ZNF304: variants seen among roughly 807,000 people sequenced by gnomAD.
The protein encoded by ZNF304 is zinc finger protein 304, also known as KRAB-containing zinc finger protein.
Under a neutral mutation model 7.8 loss-of-function variants are expected in ZNF304, and 7 were observed. The ratio of observed to expected loss-of-function variants is 0.90; its 90% CI spans 0.51 to 1.69. The LOEUF (loss-of-function observed/expected upper bound fraction) is 1.69. ZNF304 is among the 40% of genes most tolerant of loss of function. The pLI is 0.00. For missense variants in ZNF304, 669 were observed against 804.8 expected (o/e 0.83, Z 2.04); for synonymous variants, 280 against 272.4 (o/e 1.03, Z -0.27).
chr19:57,352,253 G>C lies in ZNF304; in HGVS notation c.33+556G>C, dbSNP rs555302680. On this transcript the variant is annotated intron_variant, in intron 1 of 2. Transcript: ENST00000282286. The stretch of plus-strand genomic sequence containing the variant: ...ATAAGGAAGGCTGACCAGATTCTCT[G>C]ATGAGACATAGTGATGATATCCTGG... Among the ~76,000 whole-genome samples the C allele has an allele frequency of 2.9e-4, 44 of 152,288 alleles. No homozygotes were observed. The East Asian group carries it at 7.5e-3, about 26-fold the overall frequency.
chr19:57,355,363 A>G, intron 2 of ZNF304: 1 of 765,356 alleles, frequency 1.3e-6, no homozygotes. Context: ...AGCCACAGTA[A>G]AGGAGACCTA....
rs1445585785 is a variant in ZNF304, at chr19:57,357,351, A to G, written c.1482A>G (p.Gln494=). Residue 494 remains glutamine, a synonymous_variant, in exon 3 of 3, where the codon CAA becomes CAG. Coordinates refer to ENST00000282286, the MANE Select transcript of ZNF304 (RefSeq NM_020657.4). The part of the protein sequence containing the change: ...FSRKDTLVQH[Q]KIHTGERPYE... The stretch of plus-strand genomic sequence containing the variant: ...GTAAAGACACACTTGTGCAACACCA[A>G]AAAATCCACACTGGAGAAAGGCCTT... The G allele has an allele frequency of 1.3e-6, 2 of 1,598,112 alleles. No individual in the cohort carries two copies. The highest frequency in any genetic ancestry group is 2.2e-5 in the South Asian group (2 of 90,452).
Position 57,356,483 on chromosome 19 carries a change from C to G in ZNF304, c.614C>G (p.Pro205Arg). 6.2e-7 allele frequency: 1 copy of G among 1,614,120 alleles called. No individual in the cohort carries two copies. The highest frequency in any genetic ancestry group is 8.5e-7 in the Non-Finnish European group (1 of 1,180,014). ...CRRTECMESF[P>R]HSSSLRQHQG... Reference sequence around the variant, plus strand: ...AGGACTGAATGCATGGAGTCTTTCCCACACAGCTCCAGTCTCAGGCAACAC... The same window carrying G: ...AGGACTGAATGCATGGAGTCTTTCCGACACAGCTCCAGTCTCAGGCAACAC... Residue 205 changes from proline (P) to arginine (R), a missense_variant, in exon 3 of 3, where the codon CCA (proline) becomes CGA (arginine). By Grantham distance (103) the Pro-to-Arg change is moderately radical. Transcript: ENST00000282286.
rs1393516990 is a variant in ZNF304 at position 57,357,657 on chromosome 19, T to A, written c.1788T>A (p.Phe596Leu). 6.2e-7 allele frequency: 1 copy of A among 1,614,162 alleles called. No individual in the cohort carries two copies. The highest frequency in any genetic ancestry group is 8.5e-7 in the Non-Finnish European group (1 of 1,180,024). Residue 596 changes from phenylalanine to leucine, a missense_variant, in exon 3 of 3, where the codon TTT becomes TTA. Physicochemically the swap from Phe to Leu is conservative, Grantham distance 22. Coordinates refer to ENST00000282286, the MANE Select transcript of ZNF304 (RefSeq NM_020657.4). Reference sequence around the variant, plus strand: ...AGTGCAGTGAATGTGGGAAATTCTTTAGCCGCAACTCTGGCCTCATTCTGC... The same window carrying A: ...AGTGCAGTGAATGTGGGAAATTCTTAAGCCGCAACTCTGGCCTCATTCTGC... ...PYECSECGKF[F>L]SRNSGLILHQ...
rs772912391 is a variant in ZNF304 at position 57,356,392 on chromosome 19, G to T, written c.523G>T (p.Asp175Tyr). 1 of 1,614,198 alleles carries T rather than the reference G, an allele frequency of 6.2e-7. No homozygotes were observed. The highest frequency in any genetic ancestry group is 2.2e-5 in the East Asian group (1 of 44,890). Reference protein sequence around the residue: ...RSFTCREEGMDLPDSSGLFQH... With the variant: ...RSFTCREEGMYLPDSSGLFQH... The stretch of plus-strand genomic sequence containing the variant: ...CTTTACGTGCAGGGAGGAAGGGATG[G>T]ACTTACCAGATAGCTCTGGCCTTTT... Residue 175 changes from aspartate (D) to tyrosine (Y), a missense_variant, in exon 3 of 3, where the codon GAC (aspartate) becomes TAC (tyrosine). Transcript: ENST00000282286.
rs947859482 is a variant in ZNF304 at position 57,357,196 on chromosome 19, G to A, written c.1327G>A (p.Gly443Arg). Residue 443 changes from glycine to arginine, a missense_variant, in exon 3 of 3, where the codon GGA becomes AGA. Gly to Arg is a moderately radical substitution (Grantham distance 125). Coordinates refer to ENST00000282286, the MANE Select transcript of ZNF304 (RefSeq NM_020657.4). ...CATTAAACATCGGAGAGTCCACACA[G>A]GAGCAAGATCCTACGTGTGCAGCAA... is the stretch of plus-strand genomic sequence containing the variant. Reference protein sequence around the residue: ...SLIKHRRVHTGARSYVCSKCG... With the variant: ...SLIKHRRVHTRARSYVCSKCG... 1 of 1,614,024 alleles carries A rather than the reference G, an allele frequency of 6.2e-7. No individual in the cohort carries two copies. The highest frequency in any genetic ancestry group is 1.3e-5 in the African/African-American group (1 of 74,892).
intron 1 of ZNF304, among the ~76,000 whole-genome samples, chr19:57,353,271 G>A (rs1197336614): frequency 2.0e-5 from 3 of 152,210 alleles, no homozygotes; most frequent in African/African-American, 7.2e-5. Flanking sequence ...TATGGCATGG[G>A]CCAGTGGCGG....
chr19:57,353,790 G>A lies in ZNF304; in HGVS notation c.99G>A (p.Glu33=). The stretch of plus-strand genomic sequence containing the variant: ...GGGAGGAGTGGGAACTCCTTGAGGA[G>A]GCACAGAGATTCCTGTACCGTGATG... The part of the protein sequence containing the change: ...FSREEWELLE[E]AQRFLYRDVM... Residue 33 remains glutamate (E), a synonymous_variant, in exon 2 of 3, where the codon GAG becomes GAA. Coordinates refer to ENST00000282286, the MANE Select transcript of ZNF304 (RefSeq NM_020657.4). 1 of 1,613,778 alleles carries A rather than the reference G, an allele frequency of 6.2e-7. No homozygotes were observed. The highest frequency in any genetic ancestry group is 2.2e-5 in the East Asian group (1 of 44,872).
Position 57,351,761 on chromosome 19 carries a change from C to T in ZNF304, c.33+64C>T, listed in dbSNP as rs933767523. ...TGGTGTGTCCTGGGATGTTCGCTCT[C>T]ATCGCGCACTTCAGGGTGCTCACTC... On this transcript the variant is annotated intron_variant, in intron 1 of 2. Transcript: ENST00000282286. This position sits in a 1 kb window ranked among gnomAD's most constrained non-coding sequence, Gnocchi z 4.1. 3 of 1,536,272 alleles carry T rather than the reference C, an allele frequency of 2.0e-6. No homozygotes were observed. The highest frequency in any genetic ancestry group is 2.3e-5 in the East Asian group (1 of 42,970).
intron 2 of ZNF304, chr19:57,355,553 G>A (rs2088324478): frequency 8.3e-6 from 5 of 600,680 alleles, no homozygotes; most frequent in South Asian, 2.0e-5. Context: ...CATTTCTCAC[G>A]TGTCTTCCAT....
Position 57,357,218 on chromosome 19 carries a change from G to A in ZNF304, c.1349G>A (p.Ser450Asn), listed in dbSNP as rs2088356246. The A allele has an allele frequency of 6.2e-7, 1 of 1,613,464 alleles. No homozygotes were observed. Among genetic ancestry groups the A allele is most frequent in the Non-Finnish European group, 8.5e-7 (1 of 1,179,918 alleles). ...VHTGARSYVC[S>N]KCGKAFGCKD... The stretch of plus-strand genomic sequence containing the variant: ...ACAGGAGCAAGATCCTACGTGTGCA[G>A]CAAATGTGGGAAGGCCTTTGGCTGC... Residue 450 changes from serine to asparagine, a missense_variant, in exon 3 of 3, where the codon AGC becomes AAC. Transcript: ENST00000282286.
At position 57,357,558 on chromosome 19, in the gene ZNF304, A is replaced by G; in HGVS notation, c.1689A>G (p.Glu563=). ...HTGARPYVCS[E]CGKAYISSSH... ...GAGCAAGGCCTTATGTGTGCAGTGA[A>G]TGTGGGAAGGCTTACATTAGTAGCT... Residue 563 remains glutamate (E), a synonymous_variant, in exon 3 of 3, where the codon GAA becomes GAG. Transcript: ENST00000282286. 6.2e-7 allele frequency: 1 copy of G among 1,614,202 alleles called. No homozygotes were observed. Among genetic ancestry groups the G allele is most frequent in the Non-Finnish European group, 8.5e-7 (1 of 1,180,022 alleles).
In ZNF304 at chr19:57,351,964, T is replaced by C; in HGVS notation, c.33+267T>C. 1 of 436,724 alleles carries C rather than the reference T, an allele frequency of 2.3e-6. No homozygotes were observed. The highest frequency in any genetic ancestry group is 4.1e-6 in the Non-Finnish European group (1 of 245,964). 27.1% of individuals were successfully genotyped at this position (436,724 alleles called of 1,614,324 possible). On this transcript the variant is annotated intron_variant, in intron 1 of 2. Transcript: ENST00000282286. This position sits in a 1 kb window ranked among gnomAD's most constrained non-coding sequence, Gnocchi z 4.1. ...GGGACTAGGGGGTCAGAGGTAGGCCTGGAATGGCCGCCCGAGGAGCTGGTC... is the reference window on the plus strand; with the variant it reads ...GGGACTAGGGGGTCAGAGGTAGGCCCGGAATGGCCGCCCGAGGAGCTGGTC...
At chr19:57,353,564 A>G (rs1241425133) in intron 1 of ZNF304, among the ~76,000 whole-genome samples, 161 bp from the exon 2 acceptor site, 6 of 152,108 alleles carry the variant, frequency 3.9e-5, no homozygotes, top group Admixed American at 3.9e-4. Flanking sequence ...GGACATGAGG[A>G]GAGAGCAGAC....
Position 57,351,570 on chromosome 19 carries a change from C to T in ZNF304, c.-95C>T. Reference sequence around the variant, plus strand: ...CGTTTTTACACCGGGTAGATTGAGACTTGGAGTGCTACACTCAGCCCGAGG... The same window carrying T: ...CGTTTTTACACCGGGTAGATTGAGATTTGGAGTGCTACACTCAGCCCGAGG... On this transcript the variant is annotated 5_prime_UTR_variant, in exon 1 of 3. Transcript: ENST00000282286. The surrounding 1 kb of genome is among the most constrained non-coding windows in gnomAD (Gnocchi z 4.1). The T allele has an allele frequency of 6.8e-7, 1 of 1,474,396 alleles. No individual in the cohort carries two copies. The allele number at this position is 1,474,396 out of a possible 1,614,324, so 91.3% of individuals were successfully genotyped here.
chr19:57,356,961 G>A lies in ZNF304; in HGVS notation c.1092G>A (p.Lys364=). 6.2e-7 allele frequency: 1 copy of A among 1,605,244 alleles called. No individual in the cohort carries two copies. The highest frequency in any genetic ancestry group is 1.1e-5 in the South Asian group (1 of 90,584). Residue 364 remains lysine, a synonymous_variant, in exon 3 of 3, where the codon AAG becomes AAA. Coordinates refer to ENST00000282286, the MANE Select transcript of ZNF304 (RefSeq NM_020657.4). ...QRIHTGERPY[K]CNKCGKAFSR... is the part of the protein sequence containing the mutation. The stretch of plus-strand genomic sequence containing the variant: ...TTCACACAGGAGAAAGGCCTTATAA[G>A]TGCAACAAATGTGGGAAAGCCTTTA...
At position 57,359,664 on chromosome 19, in the gene ZNF304, G is replaced by A. The variant is rs983832855; in HGVS notation, c.*1815G>A. The A allele has an allele frequency of 1.3e-5, 2 of 152,178 alleles. No homozygotes were observed. The highest frequency in any genetic ancestry group is 2.9e-5 in the Non-Finnish European group (2 of 68,028). 9.4% of individuals were successfully genotyped at this position (152,178 alleles called of 1,614,324 possible). A position where few individuals can be genotyped will look rare whatever the true frequency, so the allele number is the denominator to read the frequency against. On this transcript the variant is annotated 3_prime_UTR_variant, in exon 3 of 3. Coordinates refer to ENST00000282286, the MANE Select transcript of ZNF304 (RefSeq NM_020657.4). The stretch of plus-strand genomic sequence containing the variant: ...AATTTTATAAATGAAACCATATGGT[G>A]TGTACTTTTTAGGGGGTGGGGCTCT...
chr19:57,351,734 G>A lies in ZNF304; in HGVS notation c.33+37G>A, dbSNP rs1242890181. On this transcript the variant is annotated intron_variant, in intron 1 of 2. Coordinates refer to ENST00000282286, the MANE Select transcript of ZNF304 (RefSeq NM_020657.4). The surrounding 1 kb of genome is among the most constrained non-coding windows in gnomAD (Gnocchi z 4.1). ...CATCCCTCAAGCGCACCCCGGCCTG[G>A]TTGGTGTGTCCTGGGATGTTCGCTC... 1.2e-6 allele frequency: 2 copies of A among 1,601,040 alleles called. No individual in the cohort carries two copies. The highest frequency in any genetic ancestry group is 1.7e-5 in the Admixed American group (1 of 59,052).
rs760755216 is a variant in ZNF304 at position 57,357,042 on chromosome 19, T to C, written c.1173T>C (p.Tyr391=). The C allele has an allele frequency of 1.2e-6, 2 of 1,614,218 alleles. No individual in the cohort carries two copies. Among genetic ancestry groups the C allele is most frequent in the African/African-American group, 1.3e-5 (1 of 75,048 alleles). ...GATTTCATACTGGAGAAAGGCCTTA[T>C]GAGTGCAGTGAATGTGGAAAATTCT... ...HQRFHTGERP[Y]ECSECGKFFS... The change falls in exon 3 of 3, where the codon TAT becomes TAC. Residue 391 remains tyrosine, a synonymous_variant. Coordinates refer to ENST00000282286, the MANE Select transcript of ZNF304 (RefSeq NM_020657.4).
Sources: allele counts gnomAD v4.1 joint callset (sites outside exome capture counted in the v4.1 genomes callset), GRCh38; gene constraint gnomAD v4.1.1; non-coding constraint Gnocchi (gnomAD v3.1); transcripts MANE v1.5; gene names NCBI Gene and HGNC (gene_info 2026-07-23, HGNC 2026-07-21).